PALD1: variants seen among roughly 807,000 people sequenced by gnomAD.
The protein encoded by PALD1 is paladin.
PALD1 carries 57 observed loss-of-function variants against 96.0 expected under a neutral mutation model. The ratio of observed to expected loss-of-function variants is 0.59; its 90% CI spans 0.48 to 0.74. PALD1 has a LOEUF of 0.74. Among genes scored for constraint, PALD1 ranks in the 30% least tolerant of loss-of-function variants. PALD1 has a pLI of 0.00. For missense variants in PALD1, 1,063 were observed against 1,143.7 expected, an observed-to-expected ratio of 0.93 and a Z score of 1.02; for synonymous variants, 464 against 473.6, an observed-to-expected ratio of 0.98 and a Z score of 0.26.
chr10:70,556,178 C>T (rs908192882), intron 18 of PALD1, among the ~76,000 whole-genome samples: 3 of 152,038 alleles, frequency 2.0e-5, no homozygotes, highest in African/African-American at 7.2e-5. Flanking sequence ...TCACTTGAAC[C>T]CAGCCTAGAA....
At chr10:70,537,112 CTT>C (rs1056446962) in intron 10 of PALD1, among the ~76,000 whole-genome samples, 38 of 144,286 alleles carry the variant, frequency 2.6e-4, no homozygotes, top group African/African-American at 7.1e-4. Context: ...GGCTCCAGTT[CTT>C]TTTTTTTTTT....
Position 70,547,422 on chromosome 10 carries a change from GATC to G in PALD1, c.2245_2247del (p.Ile749del). 6.2e-7 allele frequency: 1 copy of G among 1,611,830 alleles called. No homozygotes were observed. Among genetic ancestry groups the G allele is most frequent in the South Asian group, 1.1e-5 (1 of 91,010 alleles). ...CGCCCATGCACTACCACCTGCGGGA[GATC>G]ATCATCTGCACCTACCGCCAGGTGA... On this transcript the variant is annotated inframe_deletion, in exon 18 of 20. Transcript: ENST00000263563.
chr10:70,515,436 C>T (rs1334644192), intron 1 of PALD1, among the ~76,000 whole-genome samples: 2 of 152,134 alleles, frequency 1.3e-5, no homozygotes, highest in Non-Finnish European at 2.9e-5. Flanking sequence ...GTGGCCCAGC[C>T]CAGCCTGGCT....
chr10:70,510,012 C>G (rs1846481149), intron 1 of PALD1, among the ~76,000 whole-genome samples: 2 of 152,276 alleles, frequency 1.3e-5, no homozygotes, highest in East Asian at 3.9e-4. Flanking sequence ...AGGAAAACTT[C>G]TAGTGGGGCT....
chr10:70,552,841 G>A (rs996377749), intron 18 of PALD1, among the ~76,000 whole-genome samples: 8 of 152,186 alleles, frequency 5.3e-5, no homozygotes, highest in Non-Finnish European at 1.0e-4. Flanking sequence ...TCCACATGTT[G>A]CATTTGGTTG....
intron 18 of PALD1, among the ~76,000 whole-genome samples, chr10:70,550,802 T>G (rs1458864101): frequency 6.6e-6 from 1 of 152,246 alleles, no homozygotes; most frequent in Non-Finnish European, 1.5e-5. Flanking sequence ...GTATTATTAC[T>G]GCATTTGTAT....
intron 18 of PALD1, among the ~76,000 whole-genome samples, chr10:70,553,211 G>A (rs912106102): frequency 2.6e-5 from 4 of 152,174 alleles, no homozygotes; most frequent in Non-Finnish European, 5.9e-5. Flanking sequence ...CTTCCAGAAC[G>A]AGAGACTTCC....
At chr10:70,473,899 CCCCT>C (rs199944425), upstream of PALD1, among the ~76,000 whole-genome samples, 13,813 of 152,056 alleles carry the variant, frequency 0.091, 862 homozygotes, top group South Asian at 0.23. Context: ...CCACCCCCCC[CCCCT>C]CAGCCTCCCA....
chr10:70,556,949 G>A (rs1352485753), intron 18 of PALD1, among the ~76,000 whole-genome samples: 4 of 152,246 alleles, frequency 2.6e-5, no homozygotes, highest in African/African-American at 9.6e-5. Context: ...CCTGGCACAA[G>A]TAGGGGCTCC....
At chr10:70,505,647 AAAAAC>A (rs1846373018) in intron 1 of PALD1, among the ~76,000 whole-genome samples, 3 of 133,254 alleles carry the variant, frequency 2.3e-5, no homozygotes, top group African/African-American at 8.3e-5. Context: ...AACAAAACAA[AAAAAC>A]AAATCAGAAA....
intron 17 of PALD1, among the ~76,000 whole-genome samples, chr10:70,541,821 C>T (rs950765965): frequency 1.3e-5 from 2 of 152,130 alleles, no homozygotes; most frequent in East Asian, 1.9e-4. Flanking sequence ...CACTGGCCAC[C>T]GTCTTGTCTG....
chr10:70,469,481 G>C, the PALD1 span, among the ~76,000 whole-genome samples: 1 of 152,208 alleles, frequency 6.6e-6, no homozygotes, highest in Admixed American at 6.5e-5. Context: ...GCGGCTGCTA[G>C]TTGAAGTGAA....
At chr10:70,474,079 G>A (rs147777767), upstream of PALD1, among the ~76,000 whole-genome samples, 165 of 152,248 alleles carry the variant, frequency 1.1e-3, no homozygotes, top group African/African-American at 3.9e-3. Context: ...CTAGAGTCAC[G>A]CTCCTGCCAC....
intron 18 of PALD1, among the ~76,000 whole-genome samples, chr10:70,552,099 G>C (rs1847492498): frequency 6.6e-6 from 1 of 152,202 alleles, no homozygotes; most frequent in Non-Finnish European, 1.5e-5. Flanking sequence ...CTCAGTGCTG[G>C]GCCCTGGGCG....
At chr10:70,496,079 A>AT (rs1846190677) in intron 1 of PALD1, among the ~76,000 whole-genome samples, 3 of 138,006 alleles carry the variant, frequency 2.2e-5, no homozygotes, top group Admixed American at 2.1e-4. Context: ...AACAAAGAAA[A>AT]TTTTAAAAAG....
At chr10:70,524,125 AG>A (rs1846802691) in intron 1 of PALD1, among the ~76,000 whole-genome samples, 1 of 152,194 alleles carries the variant, frequency 6.6e-6, no homozygotes, top group African/African-American at 2.4e-5. Flanking sequence ...GATGTGGAGC[AG>A]CTTGTGCCTG....
At chr10:70,535,263 C>G (rs1847086109) in intron 10 of PALD1, among the ~76,000 whole-genome samples, 1 of 152,212 alleles carries the variant, frequency 6.6e-6, no homozygotes, top group African/African-American at 2.4e-5. Context: ...TGTCCCCATG[C>G]CTTAGCGAAA....
At chr10:70,475,040 A>G (rs4747032), upstream of PALD1, among the ~76,000 whole-genome samples, 1 of 152,122 alleles carries the variant, frequency 6.6e-6, no homozygotes, top group Non-Finnish European at 1.5e-5. Context: ...CAGGAACAGC[A>G]GTCATCAGTA....
chr10:70,508,854 T>G (rs61465629), intron 1 of PALD1, among the ~76,000 whole-genome samples: 2 of 122,354 alleles, frequency 1.6e-5, no homozygotes, highest in Admixed American at 8.1e-5. Flanking sequence ...TGTGTGTGTG[T>G]GTGCAGGCCT....
Sources: gnomAD v4.1 joint callset for allele counts (sites outside exome capture counted in the v4.1 genomes callset) on GRCh38, gnomAD v4.1.1 for gene constraint, MANE v1.5 for transcripts, NCBI Gene and HGNC (gene_info 2026-07-23, HGNC 2026-07-21) for gene names.